The following LSG1 variants were observed in gnomAD, a reference collection of about 807,000 sequenced individuals.
LSG1 encodes the protein large subunit GTPase 1 homolog.
LSG1 carries 55 observed loss-of-function variants against 82.6 expected under a neutral mutation model. The observed-to-expected ratio is 0.67, with a 90% CI of 0.54 to 0.83. The LOEUF (loss-of-function observed/expected upper bound fraction) is 0.83, where lower values mean the gene tolerates loss of function less well. Ranked by LOEUF, LSG1 falls within the 40% of genes least tolerant of loss-of-function variation. The pLI, the probability that LSG1 is intolerant of heterozygous loss-of-function variation, is 0.00. For missense variants in LSG1, 809 were observed against 807.9 expected (o/e 1.00, Z -0.02); for synonymous variants, 272 against 282.5 (o/e 0.96, Z 0.37).
At chr3:194,646,110 A>G (rs1718544785) in intron 12 of LSG1, 54 bp downstream of exon 12, 1 of 1,535,216 alleles carries the variant, frequency 6.5e-7, no homozygotes, top group African/African-American at 1.4e-5. Flanking sequence ...CTAAGAACGC[A>G]GAATGTGGAA....
intron 12 of LSG1, among the ~76,000 whole-genome samples, chr3:194,645,591 C>CACACACACAG (rs1718531613): frequency 9.4e-6 from 1 of 105,828 alleles, no homozygotes; most frequent in Non-Finnish European, 2.0e-5. Context: ...CACACACACA[C>CACACACACAG]ACACACACAC....
At chr3:194,657,609 G>A (rs1034751535) in intron 7 of LSG1, among the ~76,000 whole-genome samples, 4 of 152,116 alleles carry the variant, frequency 2.6e-5, no homozygotes, top group Admixed American at 1.3e-4. Flanking sequence ...CTGTGTATAC[G>A]CCCTAGGCAA....
chr3:194,648,483 G>A (rs1179890420), intron 11 of LSG1, among the ~76,000 whole-genome samples, 198 bp downstream of exon 11: 2 of 152,080 alleles, frequency 1.3e-5, no homozygotes, highest in African/African-American at 2.4e-5. Flanking sequence ...AGCAGCAAAC[G>A]TCCTAAAAGC....
intron 2 of LSG1, among the ~76,000 whole-genome samples, chr3:194,666,882 T>C (rs1455054791): frequency 2.6e-5 from 4 of 152,164 alleles, no homozygotes; most frequent in Admixed American, 6.5e-5. Context: ...ATCTGGTAGC[T>C]TGTTAAAAAT....
Position 194,648,735 on chromosome 3 carries a change from C to T in LSG1, c.1489G>A (p.Asp497Asn), listed in dbSNP as rs749524185. 3.1e-6 allele frequency: 5 copies of T among 1,614,068 alleles called. No individual in the cohort carries two copies. The highest frequency in any genetic ancestry group is 4.2e-6 in the Non-Finnish European group (5 of 1,179,986). ...GTTGGAGGTCGGTGGGGATCTTCATCCTCTCTAGGCGTTATGATGTTAATG... is the reference window on the plus strand; with the variant it reads ...GTTGGAGGTCGGTGGGGATCTTCATTCTCTCTAGGCGTTATGATGTTAATG... ...YGINIITPRE[D>N]EDPHRPPTSE... Residue 497 changes from aspartate (D) to asparagine (N), a missense_variant, in exon 11 of 14, where the codon GAT becomes AAT. Transcript: ENST00000265245.
rs934969201 is a variant in LSG1, at chr3:194,642,701, G to C, written c.1798-454C>G. Among the ~76,000 whole-genome samples the C allele has an allele frequency of 2.7e-4, 41 of 152,238 alleles. 1 individual carries two copies. The highest frequency in any genetic ancestry group is 2.7e-3 in the Admixed American group (41 of 15,294). ...ATGAATTATATTAAAATTATGACAA[G>C]TTTTCAGCTTTCTTGTACATAGCTT... On this transcript the variant is annotated intron_variant, in intron 13 of 13. Transcript: ENST00000265245.
chr3:194,664,954 A>AAAG, intron 5 of LSG1, among the ~76,000 whole-genome samples: 1 of 151,294 alleles, frequency 6.6e-6, no homozygotes, highest in Non-Finnish European at 1.5e-5. Flanking sequence ...TAAATAAAAA[A>AAAG]CATAAAAACC....
At chr3:194,658,645 C>G (rs1265725348) in intron 7 of LSG1, among the ~76,000 whole-genome samples, 2 of 152,182 alleles carry the variant, frequency 1.3e-5, no homozygotes, top group African/African-American at 4.8e-5. Context: ...TGTGTTCTGA[C>G]TTCTCTTAAA....
At chr3:194,646,129 T>C in intron 12 of LSG1, 35 bp downstream of exon 12, 1 of 1,589,486 alleles carries the variant, frequency 6.3e-7, no homozygotes, top group Non-Finnish European at 8.6e-7. Context: ...AAAAGACTTG[T>C]GTATTGGAGA....
Position 194,665,558 on chromosome 3 carries a change from T to C in LSG1, c.520A>G (p.Ser174Gly). Residue 174 changes from serine (S) to glycine (G), a missense_variant and splice_region_variant, in exon 5 of 14, where the codon AGT becomes GGT. Physicochemically the swap from Ser to Gly is moderately conservative, Grantham distance 56. Transcript: ENST00000265245. ...ACACAAAAGAAAATGATAATTCACCTTCTCTCAATGACTCTCCAGAGCTGG... is the reference window on the plus strand; with the variant it reads ...ACACAAAAGAAAATGATAATTCACCCTCTCTCAATGACTCTCCAGAGCTGG... ...WRQLWRVIER[S>G]DIVVQIVDAR... is the part of the protein sequence containing the mutation. The C allele has an allele frequency of 3.1e-6, 5 of 1,603,454 alleles. No individual in the cohort carries two copies. The highest frequency in any genetic ancestry group is 4.3e-6 in the Non-Finnish European group (5 of 1,175,484).
chr3:194,651,240 A>G (rs945852255), intron 8 of LSG1, 24 bp from the exon 9 acceptor site: 8 of 1,438,984 alleles, frequency 5.6e-6, no homozygotes, highest in African/African-American at 2.8e-5. Flanking sequence ...AGAAGTTACC[A>G]AACAGTAAAA....
chr3:194,666,878 T>C (rs531488707), intron 2 of LSG1, among the ~76,000 whole-genome samples: 5 of 152,302 alleles, frequency 3.3e-5, no homozygotes, highest in African/African-American at 1.2e-4. Context: ...CATCATCTGG[T>C]AGCTTGTTAA....
rs1718805673 is a variant in LSG1 at position 194,657,079 on chromosome 3, C to T, written c.759+1878G>A. Among the ~76,000 whole-genome samples, 3 of 151,422 alleles carry T rather than the reference C, an allele frequency of 2.0e-5. No individual in the cohort carries two copies. The South Asian group carries it at 6.2e-4, about 31-fold the overall frequency. On this transcript the variant is annotated intron_variant, in intron 7 of 13. Transcript: ENST00000265245. ...CAAGTTAATGGGTGCAGCACACCAA[C>T]ATGGCACATGTATATATACGTAACA...
At chr3:194,646,016 T>C (rs1439186309) in intron 12 of LSG1, 148 bp downstream of exon 12, 5 of 720,354 alleles carry the variant, frequency 6.9e-6, no homozygotes, top group Non-Finnish European at 1.2e-5. Context: ...ATAATCCATA[T>C]AATGTTAACT....
rs200813395 is a variant in LSG1 at position 194,648,644 on chromosome 3, T to C, written c.1543+37A>G. 269 of 1,608,490 alleles carry C rather than the reference T, an allele frequency of 1.7e-4. 1 individual carries two copies. Among genetic ancestry groups the C allele is most frequent in the Non-Finnish European group, 3.8e-5 (45 of 1,175,790 alleles). ...TATTTCTATTCATTAGGTATACTGT[T>C]ACTTTTGTTCACATTTTCTGATGAA... On this transcript the variant is annotated intron_variant, in intron 11 of 13. Coordinates refer to ENST00000265245, the MANE Select transcript of LSG1 (RefSeq NM_018385.3).
chr3:194,649,867 T>C (rs981856942), intron 10 of LSG1, among the ~76,000 whole-genome samples: 3 of 152,092 alleles, frequency 2.0e-5, no homozygotes, highest in Non-Finnish European at 2.9e-5. Context: ...TAGACTAACT[T>C]ATTAGCTTAT....
intron 7 of LSG1, among the ~76,000 whole-genome samples, chr3:194,656,571 C>A (rs1303825798): frequency 1.1e-4 from 16 of 151,500 alleles, no homozygotes; most frequent in Admixed American, 2.6e-4. Flanking sequence ...TAGTTCAACC[C>A]TTGTGGAAGT....
At position 194,657,099 on chromosome 3, in the gene LSG1, G is replaced by A. The variant is rs1277833090; in HGVS notation, c.759+1858C>T. 3.3e-5 allele frequency among the ~76,000 whole-genome samples: 5 copies of A among 151,238 alleles called. 1 individual carries two copies. The highest frequency in any genetic ancestry group is 4.2e-4 in the South Asian group (2 of 4,800). On this transcript the variant is annotated intron_variant, in intron 7 of 13. Coordinates refer to ENST00000265245, the MANE Select transcript of LSG1 (RefSeq NM_018385.3). ...ACCAACATGGCACATGTATATATAC[G>A]TAACAAACCTGCACATTGTGCACAT...
chr3:194,644,231 G>A (rs989923460), intron 13 of LSG1, among the ~76,000 whole-genome samples: 22 of 151,654 alleles, frequency 1.5e-4, no homozygotes, highest in Admixed American at 3.9e-4. Flanking sequence ...GCGTGGTGGC[G>A]GGCGCCTGTA....
Sources: gnomAD v4.1 joint callset for allele counts (sites outside exome capture counted in the v4.1 genomes callset) on GRCh38, gnomAD v4.1.1 for gene constraint, MANE v1.5 for transcripts, NCBI Gene and HGNC (gene_info 2026-07-23, HGNC 2026-07-21) for gene names.